The following GSTA3 variants were observed in gnomAD, a reference collection of about 807,000 sequenced individuals.
The protein encoded by GSTA3 is glutathione S-transferase A3.
Under a neutral mutation model 23.1 loss-of-function variants are expected in GSTA3, and 16 were observed. That is an observed-to-expected ratio of 0.69 (90% CI 0.47 to 1.05). The LOEUF (loss-of-function observed/expected upper bound fraction) is 1.05. GSTA3 is among the 50% of genes least tolerant of loss of function. The pLI is 0.00. For missense variants in GSTA3, 319 were observed against 263.6 expected (o/e 1.21, Z -1.46); for synonymous variants, 122 against 91.0 (o/e 1.34, Z -1.94).
chr6:52,909,473 A>T (rs1431881607), intron 1 of GSTA3, among the ~76,000 whole-genome samples, 168 bp downstream of exon 1: 1 of 152,142 alleles, frequency 6.6e-6, no homozygotes, highest in Non-Finnish European at 1.5e-5. Flanking sequence ...ATTTTTCTTT[A>T]CCGACCTGTC....
At chr6:52,899,818 T>A (rs1017395675) in intron 5 of GSTA3, 116 bp downstream of exon 5, 2 of 924,680 alleles carry the variant, frequency 2.2e-6, no homozygotes, top group African/African-American at 3.4e-5. Flanking sequence ...GAGAGCTGAA[T>A]TGGTGTTCAG....
intron 1 of GSTA3, among the ~76,000 whole-genome samples, chr6:52,906,268 A>C (rs1274292393): frequency 1.3e-5 from 2 of 152,152 alleles, no homozygotes; most frequent in Non-Finnish European, 2.9e-5. Context: ...GTTTGTAATG[A>C]ATATGTTGAA....
intron 6 of GSTA3, 22 bp downstream of exon 6, chr6:52,897,803 T>C (rs538347329): frequency 1.4e-5 from 23 of 1,612,640 alleles, no homozygotes; most frequent in Non-Finnish European, 1.9e-5. Flanking sequence ...GCTGTCTCTC[T>C]GAGGGCTGTG....
chr6:52,899,087 G>C (rs1347416619), intron 5 of GSTA3, among the ~76,000 whole-genome samples: 1 of 152,046 alleles, frequency 6.6e-6, no homozygotes, highest in African/African-American at 2.4e-5. Context: ...GCAGGTAATC[G>C]GAATGAGTTA....
Position 52,900,041 on chromosome 6 carries a change from T to C in GSTA3, c.307A>G (p.Asn103Asp). ...AAGGGCAGAAGAAGGATCATTTCAT[T>C]CAAATCTGCCATACCTTCTGTATAC... ...DMYTEGMADL[N>D]EMILLLPLCR... Residue 103 changes from asparagine (N) to aspartate (D), a missense_variant, in exon 5 of 7, where the codon AAT becomes GAT. Coordinates refer to ENST00000211122, the MANE Select transcript of GSTA3 (RefSeq NM_000847.5). 1 of 1,613,194 alleles carries C rather than the reference T, an allele frequency of 6.2e-7. No individual in the cohort carries two copies. The highest frequency in any genetic ancestry group is 8.5e-7 in the Non-Finnish European group (1 of 1,179,236).
chr6:52,907,477 A>G (rs1405400742), intron 1 of GSTA3, among the ~76,000 whole-genome samples: 1 of 150,526 alleles, frequency 6.6e-6, no homozygotes, highest in African/African-American at 2.5e-5. Context: ...TACTGGGTAT[A>G]TACCGAAAGG....
chr6:52,903,032 T>C (rs530822784), intron 3 of GSTA3, among the ~76,000 whole-genome samples: 3 of 152,296 alleles, frequency 2.0e-5, no homozygotes, highest in Admixed American at 6.5e-5. Flanking sequence ...TGTGTGTCCT[T>C]GGATGGGGAA....
At chr6:52,908,492 G>C (rs1765970001) in intron 1 of GSTA3, among the ~76,000 whole-genome samples, 2 of 152,238 alleles carry the variant, frequency 1.3e-5, no homozygotes, top group South Asian at 4.2e-4. Context: ...TCCAGCCTGG[G>C]TGACAGAATG....
At chr6:52,908,740 C>A (rs559435623) in intron 1 of GSTA3, among the ~76,000 whole-genome samples, 3 of 152,246 alleles carry the variant, frequency 2.0e-5, no homozygotes, top group Admixed American at 6.5e-5. Flanking sequence ...ATAGAAAGAA[C>A]TTGCATATAG....
At chr6:52,900,589 G>A (rs908859162) in intron 4 of GSTA3, among the ~76,000 whole-genome samples, 2 of 152,052 alleles carry the variant, frequency 1.3e-5, no homozygotes, top group East Asian at 3.9e-4. Context: ...ACAACTTATC[G>A]AGGTAGATAT....
At position 52,902,901 on chromosome 6, in the gene GSTA3, T is replaced by A. The variant is rs544527371; in HGVS notation, c.140-423A>T. Among the ~76,000 whole-genome samples, 22 of 152,328 alleles carry A rather than the reference T, an allele frequency of 1.4e-4. No individual in the cohort carries two copies. The South Asian group carries it at 4.4e-3, about 30-fold the overall frequency. ...ACACAATTTTATGCAGAGGTCCCTT[T>A]CTGTGTTCTTCCAAGCCTACAGTAT... On this transcript the variant is annotated intron_variant, in intron 3 of 6. Coordinates refer to ENST00000211122, the MANE Select transcript of GSTA3 (RefSeq NM_000847.5).
Position 52,899,982 on chromosome 6 carries a change from G to C in GSTA3, c.366C>G (p.Ala122=). The change falls in exon 5 of 7, where the codon GCC becomes GCG. Residue 122 remains alanine (A), a synonymous_variant. Transcript: ENST00000211122. ...GACTTTTTGTTTTCTCTTTGATCAA[G>C]GCAATCTTGGCATCTTTTTCCTCAG... ...CRPEEKDAKI[A]LIKEKTKSRY... 2 of 1,614,012 alleles carry C rather than the reference G, an allele frequency of 1.2e-6. No homozygotes were observed. Among genetic ancestry groups the C allele is most frequent in the Non-Finnish European group, 1.7e-6 (2 of 1,179,942 alleles).
chr6:52,908,368 A>G (rs1266043052), intron 1 of GSTA3, among the ~76,000 whole-genome samples: 2 of 152,100 alleles, frequency 1.3e-5, no homozygotes, highest in East Asian at 1.9e-4. Context: ...AAAAAAAATT[A>G]GCCAGGATTG....
chr6:52,907,923 A>G (rs1765947840), intron 1 of GSTA3, among the ~76,000 whole-genome samples: 1 of 151,844 alleles, frequency 6.6e-6, no homozygotes. Flanking sequence ...ATGTATGCAT[A>G]TGTAACGAAC....
intron 3 of GSTA3, 110 bp downstream of exon 3, chr6:52,903,566 C>T (rs1765773923): frequency 3.4e-6 from 2 of 591,438 alleles, no homozygotes; most frequent in South Asian, 2.0e-5. Flanking sequence ...CACTGCACTC[C>T]AGCCTGGGCA....
chr6:52,905,808 G>A lies in GSTA3; in HGVS notation c.27C>T (p.Tyr9=). The change falls in exon 2 of 7, where the codon TAC becomes TAT. Residue 9 remains tyrosine, a synonymous_variant. Coordinates refer to ENST00000211122, the MANE Select transcript of GSTA3 (RefSeq NM_000847.5). ...GCTCCATTCTGCCCCGTCCATTGAA[G>A]TAGTGAAGCTTGGGCTTCCCTGCCA... MAGKPKLH[Y]FNGRGRMEPI... 1 of 1,609,486 alleles carries A rather than the reference G, an allele frequency of 6.2e-7. No individual in the cohort carries two copies. The highest frequency in any genetic ancestry group is 8.5e-7 in the Non-Finnish European group (1 of 1,177,006).
chr6:52,908,726 G>A (rs952262262), intron 1 of GSTA3, among the ~76,000 whole-genome samples: 6 of 152,106 alleles, frequency 3.9e-5, no homozygotes, highest in African/African-American at 1.4e-4. Context: ...ATTTCATTTG[G>A]CAAATAGAAA....
chr6:52,908,364 A>G (rs1194403040), intron 1 of GSTA3, among the ~76,000 whole-genome samples: 1 of 152,070 alleles, frequency 6.6e-6, no homozygotes, highest in East Asian at 1.9e-4. Flanking sequence ...TTAAAAAAAA[A>G]ATTAGCCAGG....
rs746140421 is a variant in GSTA3 at position 52,902,463 on chromosome 6, A to T, written c.155T>A (p.Phe52Tyr). ...AATCTCAACCATTGGTACTTGCTGGAACATCAAACTCCCATCTTTAGAAAG... is the reference window on the plus strand; with the variant it reads ...AATCTCAACCATTGGTACTTGCTGGTACATCAAACTCCCATCTTTAGAAAG... The part of the protein sequence containing the change: ...GKLRNDGSLM[F>Y]QQVPMVEIDG... The change falls in exon 4 of 7, where the codon TTC becomes TAC. Residue 52 changes from phenylalanine to tyrosine, a missense_variant. Coordinates refer to ENST00000211122, the MANE Select transcript of GSTA3 (RefSeq NM_000847.5). 1 of 1,611,454 alleles carries T rather than the reference A, an allele frequency of 6.2e-7. No individual in the cohort carries two copies. The highest frequency in any genetic ancestry group is 8.5e-7 in the Non-Finnish European group (1 of 1,179,406).
Sources: allele counts gnomAD v4.1 joint callset (sites outside exome capture counted in the v4.1 genomes callset), GRCh38; gene constraint gnomAD v4.1.1; transcripts MANE v1.5; gene names NCBI Gene and HGNC (gene_info 2026-07-23, HGNC 2026-07-21).